The following GALNTL6 variants were observed in gnomAD, a reference collection of about 807,000 sequenced individuals.
GALNTL6 encodes polypeptide N-acetylgalactosaminyltransferase-like 6.
GALNTL6 carries 46 observed loss-of-function variants against 73.7 expected under a neutral mutation model. The observed-to-expected ratio is 0.62, with a 90% CI of 0.49 to 0.80. The LOEUF is 0.80. GALNTL6 is among the 30% of genes least tolerant of loss of function. The pLI, the probability that GALNTL6 is intolerant of heterozygous loss-of-function variation, is 0.00. For missense variants in GALNTL6, 604 were observed against 755.0 expected, an observed-to-expected ratio of 0.80 and a Z score of 2.34; for synonymous variants, 259 against 263.7, an observed-to-expected ratio of 0.98 and a Z score of 0.17.
chr4:172,107,220 G>T (rs1464333990), intron 2 of GALNTL6, among the ~76,000 whole-genome samples: 1 of 152,112 alleles, frequency 6.6e-6, no homozygotes, highest in Non-Finnish European at 1.5e-5. Flanking sequence ...GGCTTCTCAG[G>T]TCTTATACAA....
Position 172,809,623 on chromosome 4 carries a change from C to A in GALNTL6, c.739+77C>A. On this transcript the variant is annotated intron_variant, in intron 6 of 12. Coordinates refer to ENST00000506823, the MANE Select transcript of GALNTL6 (RefSeq NM_001034845.3). The surrounding 1 kb of genome is among the most constrained non-coding windows in gnomAD (Gnocchi z 4.4). ...GGTTTGCTTCTATTTAGTTTGCAAT[C>A]AGCAAACACTAGAGGTCCCTTCTAC... 1.7e-6 allele frequency: 2 copies of A among 1,172,646 alleles called. No homozygotes were observed. Among genetic ancestry groups the A allele is most frequent in the Non-Finnish European group, 2.4e-6 (2 of 829,894 alleles). 72.6% of individuals were successfully genotyped at this position (1,172,646 alleles called of 1,614,324 possible).
intron 2 of GALNTL6, among the ~76,000 whole-genome samples, chr4:172,130,602 A>G (rs1733462136): frequency 6.6e-6 from 1 of 152,150 alleles, no homozygotes; most frequent in South Asian, 2.1e-4. Flanking sequence ...AAGTTAACAT[A>G]TAATATTAAC....
At chr4:173,012,889 G>T (rs1352614068) in intron 11 of GALNTL6, among the ~76,000 whole-genome samples, 1 of 152,166 alleles carries the variant, frequency 6.6e-6, no homozygotes, top group African/African-American at 2.4e-5. Flanking sequence ...TATAATCCCA[G>T]CACTTTGGGA....
chr4:172,887,859 C>A (rs960980402), intron 8 of GALNTL6, among the ~76,000 whole-genome samples: 10 of 152,120 alleles, frequency 6.6e-5, no homozygotes, highest in Admixed American at 2.0e-4. Flanking sequence ...CCACTGCACC[C>A]GGCCTCTATT....
At chr4:172,283,063 T>G (rs1579330672) in intron 3 of GALNTL6, among the ~76,000 whole-genome samples, 1 of 152,164 alleles carries the variant, frequency 6.6e-6, no homozygotes, top group African/African-American at 2.4e-5. Context: ...AGGGGCATGT[T>G]AAGGAGAAAA....
intron 2 of GALNTL6, among the ~76,000 whole-genome samples, chr4:172,184,896 C>T (rs1560959205): frequency 6.6e-6 from 1 of 152,110 alleles, no homozygotes; most frequent in East Asian, 1.9e-4. Flanking sequence ...GCGAGTCCTG[C>T]GATAATGGCA....
At chr4:171,885,887 T>C (rs1284682415) in intron 2 of GALNTL6, among the ~76,000 whole-genome samples, 1 of 152,214 alleles carries the variant, frequency 6.6e-6, no homozygotes, top group Non-Finnish European at 1.5e-5. Flanking sequence ...TTTATATTCT[T>C]CTGAGAAGTC....
intron 5 of GALNTL6, among the ~76,000 whole-genome samples, chr4:172,498,094 G>A (rs1261440431): frequency 5.4e-5 from 8 of 149,204 alleles, no homozygotes; most frequent in East Asian, 2.0e-4. Flanking sequence ...AGGTTCCAGC[G>A]ACTCTCCTGC....
intron 5 of GALNTL6, among the ~76,000 whole-genome samples, chr4:172,790,010 G>A (rs148242890): frequency 6.6e-6 from 1 of 152,222 alleles, no homozygotes; most frequent in Admixed American, 6.5e-5. Flanking sequence ...CTGACCTCAA[G>A]GAGCTCAGAT....
chr4:172,405,221 C>T (rs956665076), intron 5 of GALNTL6, among the ~76,000 whole-genome samples: 1 of 151,486 alleles, frequency 6.6e-6, no homozygotes, highest in African/African-American at 2.4e-5. Context: ...CTAGGCCATT[C>T]TTGACAACTG....
rs1446993480 is a variant in GALNTL6, at chr4:172,809,839, C to G, written c.739+293C>G. Among the ~76,000 whole-genome samples the G allele has an allele frequency of 6.6e-6, 1 of 151,880 alleles. No individual in the cohort carries two copies. The highest frequency in any genetic ancestry group is 2.4e-5 in the African/African-American group (1 of 41,332). On this transcript the variant is annotated intron_variant, in intron 6 of 12. Transcript: ENST00000506823. The surrounding 1 kb of genome is among the most constrained non-coding windows in gnomAD (Gnocchi z 4.4). Reference sequence around the variant, plus strand: ...TATCCTCCTTTAGTGTAGTCACATTCACTGGGTGAACACTAAAAGAAAAAC... The same window carrying G: ...TATCCTCCTTTAGTGTAGTCACATTGACTGGGTGAACACTAAAAGAAAAAC...
At chr4:172,980,385 T>C (rs1579738008) in intron 10 of GALNTL6, among the ~76,000 whole-genome samples, 1 of 152,276 alleles carries the variant, frequency 6.6e-6, no homozygotes, top group South Asian at 2.1e-4. Context: ...TCACCAGAAT[T>C]TTTTTTATCA....
At chr4:172,830,115 A>G (rs965158005) in intron 7 of GALNTL6, among the ~76,000 whole-genome samples, 1 of 152,246 alleles carries the variant, frequency 6.6e-6, no homozygotes, top group African/African-American at 2.4e-5. Flanking sequence ...TAACAACTAA[A>G]AATTCATTAA....
In GALNTL6 at chr4:172,426,334, G is replaced by A. The variant is rs544487972; in HGVS notation, c.553+77645G>A. ...ATGAAATAACATTGGTGAATCTGTA[G>A]TCCATAGCAGAGTTTTTTTAATAAC... On this transcript the variant is annotated intron_variant, in intron 5 of 12. Coordinates refer to ENST00000506823, the MANE Select transcript of GALNTL6 (RefSeq NM_001034845.3). 7.9e-5 allele frequency among the ~76,000 whole-genome samples: 4 copies of A among 50,860 alleles called. No individual in the cohort carries two copies. In the East Asian group the frequency reaches 1.8e-3, roughly 23 times the overall value. The allele number at this position is 50,860 out of a possible 152,430, so 33.4% of individuals were successfully genotyped here. A position where few individuals can be genotyped will look rare whatever the true frequency, so the allele number is the denominator to read the frequency against.
intron 5 of GALNTL6, among the ~76,000 whole-genome samples, chr4:172,590,460 A>G (rs867796845): frequency 2.0e-5 from 3 of 152,138 alleles, no homozygotes; most frequent in Admixed American, 6.5e-5. Flanking sequence ...TTGGAAATCA[A>G]CTGCAGTTAC....
chr4:172,048,373 T>C (rs534713522), intron 2 of GALNTL6, among the ~76,000 whole-genome samples: 1 of 152,278 alleles, frequency 6.6e-6, no homozygotes, highest in South Asian at 2.1e-4. Flanking sequence ...TCCAGAACTA[T>C]TTTGGGTTAA....
At chr4:172,559,675 T>C (rs1387407362) in intron 5 of GALNTL6, among the ~76,000 whole-genome samples, 1 of 152,186 alleles carries the variant, frequency 6.6e-6, no homozygotes, top group East Asian at 1.9e-4. Context: ...TTCTAAGAAG[T>C]CTGAGATCTT....
At chr4:172,782,945 C>T (rs2110902743) in intron 5 of GALNTL6, among the ~76,000 whole-genome samples, 1 of 152,116 alleles carries the variant, frequency 6.6e-6, no homozygotes, top group African/African-American at 2.4e-5. Context: ...GAAAAAATGT[C>T]ACATGTATTT....
At chr4:172,378,391 G>T (rs955316454) in intron 5 of GALNTL6, among the ~76,000 whole-genome samples, 1 of 152,058 alleles carries the variant, frequency 6.6e-6, no homozygotes, top group Non-Finnish European at 1.5e-5. Flanking sequence ...AAAGGTTGCT[G>T]GGAAGGTGAA....
Sources: gnomAD v4.1 joint callset for allele counts (sites outside exome capture counted in the v4.1 genomes callset) on GRCh38, gnomAD v4.1.1 for gene constraint, Gnocchi (gnomAD v3.1) non-coding constraint, MANE v1.5 for transcripts, NCBI Gene and HGNC (gene_info 2026-07-23, HGNC 2026-07-21) for gene names.